SLC38A8: variants seen among roughly 807,000 people sequenced by gnomAD.
The protein encoded by SLC38A8 is amino acid transporter SLC38A8.
SLC38A8 carries 65 observed loss-of-function variants against 46.0 expected under a neutral mutation model. The ratio of observed to expected loss-of-function variants is 1.41; its 90% CI spans 1.16 to 1.74. SLC38A8 has a LOEUF of 1.74. SLC38A8 is among the 40% of genes most tolerant of loss of function. SLC38A8 has a pLI of 0.00. For synonymous variants in SLC38A8, 447 were observed against 243.7 expected, an observed-to-expected ratio of 1.83 and a Z score of -7.77; for missense variants, 998 against 567.9, an observed-to-expected ratio of 1.76 and a Z score of -7.70.
intron 6 of SLC38A8, among the ~76,000 whole-genome samples, chr16:84,024,906 C>T (rs2085143761): frequency 6.6e-6 from 1 of 152,258 alleles, no homozygotes; most frequent in East Asian, 2.0e-4. Context: ...GTCTCATACT[C>T]CTGACCTCAA....
At chr16:84,015,491 A>T (rs932641130) in intron 9 of SLC38A8, among the ~76,000 whole-genome samples, 1 of 151,934 alleles carries the variant, frequency 6.6e-6, no homozygotes, top group Non-Finnish European at 1.5e-5. Context: ...ATAAAACAAA[A>T]TCTTTTAGCA....
chr16:84,041,095 C>G (rs1481156923), intron 2 of SLC38A8: 2 of 152,286 alleles, frequency 1.3e-5, no homozygotes, highest in Admixed American at 1.3e-4. Context: ...ATTCCATCAG[C>G]CAGCGGCAAA....
chr16:84,028,061 T>TC (rs1238382543), intron 6 of SLC38A8, among the ~76,000 whole-genome samples: 3 of 146,160 alleles, frequency 2.1e-5, no homozygotes, highest in Non-Finnish European at 4.5e-5. Flanking sequence ...TTTTTTTTTT[T>TC]CCTAAAAAGG....
intron 8 of SLC38A8, among the ~76,000 whole-genome samples, 169 bp downstream of exon 8, chr16:84,016,971 G>A (rs921218898): frequency 3.9e-5 from 6 of 152,140 alleles, no homozygotes; most frequent in African/African-American, 1.2e-4. Flanking sequence ...ACACACTCAC[G>A]GAGTGACTTT....
rs1413623112 is a variant in SLC38A8 at position 84,013,139 on chromosome 16, G to A, written c.1163-87C>T. ...CCCGGGAGAGGTCCTCAGGGACCCAGGAGGCCAGCAAGGCCTCCGCCCATG... is the reference window on the plus strand; with the variant it reads ...CCCGGGAGAGGTCCTCAGGGACCCAAGAGGCCAGCAAGGCCTCCGCCCATG... On this transcript the variant is annotated intron_variant, in intron 9 of 10. Transcript: ENST00000299709. 5.3e-6 allele frequency: 8 copies of A among 1,523,808 alleles called. No individual in the cohort carries two copies. The African/African-American group carries it at 5.5e-5, about 10-fold the overall frequency. The allele number at this position is 1,523,808 out of a possible 1,614,324, so 94.4% of individuals were successfully genotyped here.
chr16:84,018,022 C>T (rs1489918456), intron 7 of SLC38A8, among the ~76,000 whole-genome samples: 4 of 152,032 alleles, frequency 2.6e-5, no homozygotes, highest in African/African-American at 9.7e-5. Context: ...GTATCTTAGT[C>T]CATTTTTTGT....
Position 84,031,954 on chromosome 16 carries a change from A to G in SLC38A8, c.545T>C (p.Leu182Pro). The change falls in exon 5 of 11, where the codon CTG becomes CCG. Residue 182 changes from leucine (L) to proline (P), a missense_variant. Physicochemically the swap from Leu to Pro is moderately conservative, Grantham distance 98 (BLOSUM62 -3). Coordinates refer to ENST00000299709, the MANE Select transcript of SLC38A8 (RefSeq NM_001080442.3). ...GACCAGGGCCAGGTAACAGGCAGCCAGAGTGCCTAGGATGCTAACACAGTG... is the reference window on the plus strand; with the variant it reads ...GACCAGGGCCAGGTAACAGGCAGCCGGAGTGCCTAGGATGCTAACACAGTG... ...FQKYTSILGT[L>P]AACYLALVIT... 1.2e-6 allele frequency: 2 copies of G among 1,614,180 alleles called. No homozygotes were observed. The highest frequency in any genetic ancestry group is 1.7e-6 in the Non-Finnish European group (2 of 1,180,020).
intron 8 of SLC38A8, 133 bp downstream of exon 8, chr16:84,017,007 C>T (rs1036703243): frequency 1.2e-4 from 149 of 1,284,202 alleles, no homozygotes; most frequent in Non-Finnish European, 1.5e-4. Context: ...ATCCTCTGTG[C>T]CTGTTTCCTC....
rs567690339 is a variant in SLC38A8, at chr16:84,018,717, A to T, written c.806-1430T>A. ...ACGGATCTTATTAATTTTCCTTGTC[A>T]TTGGGATCTTAACACAGTGATGTCT... On this transcript the variant is annotated intron_variant, in intron 7 of 10. Coordinates refer to ENST00000299709, the MANE Select transcript of SLC38A8 (RefSeq NM_001080442.3). 5.3e-5 allele frequency among the ~76,000 whole-genome samples: 8 copies of T among 152,296 alleles called. No individual in the cohort carries two copies. The East Asian group carries it at 1.5e-3, about 29-fold the overall frequency.
intron 7 of SLC38A8, among the ~76,000 whole-genome samples, chr16:84,022,295 G>A (rs151036100): frequency 9.2e-5 from 14 of 152,272 alleles, no homozygotes; most frequent in South Asian, 8.3e-4. Context: ...TGCACTGTAC[G>A]ATCCTGCGTG....
intron 10 of SLC38A8, among the ~76,000 whole-genome samples, chr16:84,012,168 A>G (rs1395469717): frequency 6.6e-6 from 1 of 152,166 alleles, no homozygotes; most frequent in South Asian, 2.1e-4. Context: ...AAACTAATAC[A>G]TCATCTCTTT....
intron 6 of SLC38A8, among the ~76,000 whole-genome samples, chr16:84,028,570 G>GA (rs34104203): frequency 0.45 from 62,886 of 139,098 alleles, 14,215 homozygotes; most frequent in Non-Finnish European, 0.52. Flanking sequence ...CTCAAAAAAA[G>GA]AAAAAAAAAA....
intron 6 of SLC38A8, among the ~76,000 whole-genome samples, chr16:84,024,190 T>C (rs1421667776): frequency 6.6e-6 from 1 of 152,028 alleles, no homozygotes; most frequent in Admixed American, 6.6e-5. Context: ...CAAACCCCAC[T>C]CTGTGGTGCT....
chr16:84,039,582 T>TA (rs2085344001), intron 2 of SLC38A8, among the ~76,000 whole-genome samples: 1 of 151,810 alleles, frequency 6.6e-6, no homozygotes, highest in South Asian at 2.1e-4. Flanking sequence ...CCATCTCTAC[T>TA]AAAATCACAA....
intron 7 of SLC38A8, among the ~76,000 whole-genome samples, chr16:84,022,414 C>A (rs780923782): frequency 6.6e-6 from 1 of 152,192 alleles, no homozygotes; most frequent in African/African-American, 2.4e-5. Flanking sequence ...TTTTGTAAAC[C>A]CTACCCAGAT....
intron 6 of SLC38A8, among the ~76,000 whole-genome samples, chr16:84,023,385 C>A (rs765744308): frequency 1.3e-5 from 2 of 152,168 alleles, no homozygotes; most frequent in Non-Finnish European, 2.9e-5. Flanking sequence ...AAGCACCCCT[C>A]TGCACAAAAG....
chr16:84,040,407 G>C (rs2085354627), intron 2 of SLC38A8, among the ~76,000 whole-genome samples: 1 of 152,206 alleles, frequency 6.6e-6, no homozygotes, highest in African/African-American at 2.4e-5. Context: ...CCAGAAGCAA[G>C]TCACAAATGT....
At chr16:84,028,426 C>A (rs1210286727) in intron 6 of SLC38A8, among the ~76,000 whole-genome samples, 1 of 151,264 alleles carries the variant, frequency 6.6e-6, no homozygotes. Flanking sequence ...ACTAAAAATA[C>A]CAAAAAAAAT....
intron 9 of SLC38A8, among the ~76,000 whole-genome samples, chr16:84,014,049 A>G (rs1254321755): frequency 6.8e-6 from 1 of 147,272 alleles, no homozygotes; most frequent in African/African-American, 2.5e-5. Flanking sequence ...GGGCTGTGTG[A>G]CCACACTCTC....
Sources: gnomAD v4.1 joint callset for allele counts (sites outside exome capture counted in the v4.1 genomes callset) on GRCh38, gnomAD v4.1.1 for gene constraint, MANE v1.5 for transcripts, NCBI Gene and HGNC (gene_info 2026-07-23, HGNC 2026-07-21) for gene names.